The following FAM53B variants were observed in gnomAD, a reference collection of about 807,000 sequenced individuals.
FAM53B encodes the protein protein FAM53B.
FAM53B carries 12 observed loss-of-function variants against 32.7 expected under a neutral mutation model. That is an observed-to-expected ratio of 0.37 (90% CI 0.24 to 0.59). FAM53B has a LOEUF of 0.59. Among genes scored for constraint, FAM53B ranks in the 20% least tolerant of loss-of-function variants. FAM53B has a pLI of 0.72. For missense variants in FAM53B, 477 were observed against 577.7 expected (o/e 0.83, Z 1.79); for synonymous variants, 234 against 228.7 (o/e 1.02, Z -0.21).
At chr10:124,732,430 G>A (rs1245885608) in intron 1 of FAM53B, among the ~76,000 whole-genome samples, 2 of 152,212 alleles carry the variant, frequency 1.3e-5, no homozygotes, top group African/African-American at 4.8e-5. Flanking sequence ...CTCCTCAGGT[G>A]AGCAGACGGA....
chr10:124,677,843 T>G (rs1273004119), intron 4 of FAM53B, among the ~76,000 whole-genome samples: 2 of 152,132 alleles, frequency 1.3e-5, no homozygotes, highest in Non-Finnish European at 2.9e-5. Flanking sequence ...CCCAGGATAT[T>G]TCCACCCTAG....
At chr10:124,738,633 C>T (rs563159746) in intron 1 of FAM53B, among the ~76,000 whole-genome samples, 5 of 151,866 alleles carry the variant, frequency 3.3e-5, no homozygotes, top group African/African-American at 1.2e-4. Context: ...AGGGCCGCTG[C>T]CCAGCCCTGG....
intron 4 of FAM53B, among the ~76,000 whole-genome samples, chr10:124,625,454 G>C (rs556673091): frequency 3.3e-5 from 5 of 152,162 alleles, no homozygotes; most frequent in Non-Finnish European, 5.9e-5. Context: ...GATGCAGCCC[G>C]GTGGTGTGCA....
chr10:124,629,906 G>T (rs981753831), intron 4 of FAM53B, among the ~76,000 whole-genome samples: 6 of 152,240 alleles, frequency 3.9e-5, no homozygotes, highest in Non-Finnish European at 8.8e-5. Flanking sequence ...GGCCAGAGGG[G>T]TCAGGTGGTG....
chr10:124,643,335 C>T (rs1419435049), intron 4 of FAM53B, among the ~76,000 whole-genome samples: 1 of 152,254 alleles, frequency 6.6e-6, no homozygotes, highest in Non-Finnish European at 1.5e-5. Context: ...GAAGCCCAGG[C>T]GGCTCGGCAG....
At chr10:124,663,210 G>C in intron 4 of FAM53B, among the ~76,000 whole-genome samples, 1 of 152,348 alleles carries the variant, frequency 6.6e-6, no homozygotes, top group South Asian at 2.1e-4. Flanking sequence ...TAAAGTGCAA[G>C]CCTGTGCATG....
At chr10:124,683,440 A>T (rs961538810) in intron 3 of FAM53B, among the ~76,000 whole-genome samples, 1 of 152,236 alleles carries the variant, frequency 6.6e-6, no homozygotes, top group African/African-American at 2.4e-5. Flanking sequence ...TGAGTCAGTC[A>T]AGAGAAGAAT....
In FAM53B at chr10:124,706,864, A is replaced by T. The variant is rs1223288097; in HGVS notation, c.-151T>A. Reference sequence around the variant, plus strand: ...ACCCTTGGGGTGGGGCCCTTCTGGGAAATGGCCAAATGTGGTCAACTCCCT... The same window carrying T: ...ACCCTTGGGGTGGGGCCCTTCTGGGTAATGGCCAAATGTGGTCAACTCCCT... On this transcript the variant is annotated 5_prime_UTR_variant, in exon 2 of 5. Transcript: ENST00000337318. 9 of 1,469,436 alleles carry T rather than the reference A, an allele frequency of 6.1e-6. No individual in the cohort carries two copies. The East Asian group carries it at 7.4e-5, about 12-fold the overall frequency. 91.0% of individuals were successfully genotyped at this position (1,469,436 alleles called of 1,614,324 possible). A position where few individuals can be genotyped will look rare whatever the true frequency, so the allele number is the denominator to read the frequency against.
At position 124,700,550 on chromosome 10, in the gene FAM53B, G is replaced by A. The variant is rs548246801; in HGVS notation, c.79-4338C>T. Among the ~76,000 whole-genome samples, 6 of 152,266 alleles carry A rather than the reference G, an allele frequency of 3.9e-5. No individual in the cohort carries two copies. In the South Asian group the frequency reaches 1.2e-3, roughly 32 times the overall value. ...CGAGCCCACGCCGGGGCAGGGCCTC[G>A]TCTCTGTGAGACTCCTCAGATCACG... On this transcript the variant is annotated intron_variant, in intron 2 of 4. Coordinates refer to ENST00000337318, the MANE Select transcript of FAM53B (RefSeq NM_014661.4).
At chr10:124,626,387 T>TA (rs1949353423) in intron 4 of FAM53B, among the ~76,000 whole-genome samples, 4 of 97,282 alleles carry the variant, frequency 4.1e-5, no homozygotes, top group African/African-American at 1.9e-4. Flanking sequence ...TCGAAATTTG[T>TA]GCCCCCCCCC....
At chr10:124,678,104 GACAA>G (rs779529140) in intron 4 of FAM53B, among the ~76,000 whole-genome samples, 9 of 152,184 alleles carry the variant, frequency 5.9e-5, no homozygotes, top group Non-Finnish European at 7.3e-5. Context: ...GAAAACACTG[GACAA>G]ACAAAGAAAA....
At chr10:124,681,476 TAA>T in intron 4 of FAM53B, 129 bp downstream of exon 4, 1 of 784,506 alleles carries the variant, frequency 1.3e-6, no homozygotes, top group Non-Finnish European at 2.0e-6. Context: ...GAATAGGATT[TAA>T]AAAAACAAGG....
At chr10:124,704,448 G>A (rs148182098) in intron 2 of FAM53B, 2 of 152,500 alleles carry the variant, frequency 1.3e-5, no homozygotes, top group African/African-American at 2.4e-5. Context: ...AGGAAAAGAG[G>A]AGAGAAAGTG....
intron 4 of FAM53B, among the ~76,000 whole-genome samples, chr10:124,629,069 T>C (rs1160249207): frequency 1.3e-5 from 2 of 152,266 alleles, no homozygotes; most frequent in Non-Finnish European, 2.9e-5. Context: ...TTATAGGTTA[T>C]GCACCTGCTT....
chr10:124,733,588 G>A lies in FAM53B; in HGVS notation c.-175+10425C>T, dbSNP rs1311532983. Among the ~76,000 whole-genome samples, 1 of 152,168 alleles carries A rather than the reference G, an allele frequency of 6.6e-6. No homozygotes were observed. The highest frequency in any genetic ancestry group is 2.4e-5 in the African/African-American group (1 of 41,424). ...TCAACTCACACAACGCCAGAACTTTGACTTCTTTAGTTCCAGCGCAGCACA... is the reference window on the plus strand; with the variant it reads ...TCAACTCACACAACGCCAGAACTTTAACTTCTTTAGTTCCAGCGCAGCACA... On this transcript the variant is annotated intron_variant, in intron 1 of 4. Transcript: ENST00000337318. The surrounding 1 kb of genome is among the most constrained non-coding windows in gnomAD (Gnocchi z 4.3).
At chr10:124,743,151 GT>G (rs1218920771) in intron 1 of FAM53B, among the ~76,000 whole-genome samples, 1 of 150,432 alleles carries the variant, frequency 6.6e-6, no homozygotes, top group Non-Finnish European at 1.5e-5. Flanking sequence ...GGGGGACAAG[GT>G]GGGGGGGCGG....
chr10:124,729,804 G>C (rs1374768985), intron 1 of FAM53B, among the ~76,000 whole-genome samples: 3 of 152,298 alleles, frequency 2.0e-5, no homozygotes, highest in South Asian at 2.1e-4. Flanking sequence ...GCACAAATGT[G>C]GGGGAGATGG....
chr10:124,739,612 C>T (rs1482287466), intron 1 of FAM53B, among the ~76,000 whole-genome samples: 1 of 152,138 alleles, frequency 6.6e-6, no homozygotes, highest in Non-Finnish European at 1.5e-5. Flanking sequence ...AGACTGGCAC[C>T]GTGAAAAAAG....
At chr10:124,701,349 T>C (rs1480126724) in intron 2 of FAM53B, among the ~76,000 whole-genome samples, 2 of 152,240 alleles carry the variant, frequency 1.3e-5, no homozygotes, top group African/African-American at 4.8e-5. Context: ...GAAGTGCTTG[T>C]TCTAGCTACC....
Sources: allele counts gnomAD v4.1 joint callset (sites outside exome capture counted in the v4.1 genomes callset), GRCh38; gene constraint gnomAD v4.1.1; non-coding constraint Gnocchi (gnomAD v3.1); transcripts MANE v1.5; gene names NCBI Gene and HGNC (gene_info 2026-07-23, HGNC 2026-07-21).